The following DHX16 variants were observed in gnomAD, a reference collection of about 807,000 sequenced individuals.
DHX16 encodes the protein pre-mRNA-splicing factor ATP-dependent RNA helicase DHX16.
A neutral mutation model predicts 131.2 loss-of-function variants in DHX16; 81 were observed. The observed-to-expected ratio is 0.62, with a 90% CI of 0.52 to 0.74. DHX16 has a LOEUF of 0.74. Ranked by LOEUF, DHX16 falls within the 30% of genes least tolerant of loss-of-function variation. The pLI, the probability that DHX16 is intolerant of heterozygous loss-of-function variation, is 0.00. For missense variants in DHX16, 980 were observed against 1,363.1 expected, an observed-to-expected ratio of 0.72 and a Z score of 4.43; for synonymous variants, 440 against 520.2, an observed-to-expected ratio of 0.85 and a Z score of 2.10.
At chr6:30,658,007 T>G (rs1315494443) in intron 12 of DHX16, among the ~76,000 whole-genome samples, 2 of 152,220 alleles carry the variant, frequency 1.3e-5, no homozygotes, top group Non-Finnish European at 1.5e-5. Context: ...CATCACTGTA[T>G]CATCAACCCC....
In DHX16 at chr6:30,656,376, T is replaced by C. The variant is rs932357661; in HGVS notation, c.2430+15A>G. 7 of 1,613,110 alleles carry C rather than the reference T, an allele frequency of 4.3e-6. No individual in the cohort carries two copies. The highest frequency in any genetic ancestry group is 5.9e-6 in the Non-Finnish European group (7 of 1,179,336). ...CCTATCATCCTGCCTCCACCCATGC[T>C]GTCCCCCGACTCACCGTGGTGAGCT... On this transcript the variant is annotated intron_variant, in intron 15 of 19. Transcript: ENST00000376442. The surrounding 1 kb of genome is among the most constrained non-coding windows in gnomAD (Gnocchi z 5.1).
chr6:30,660,562 G>C, intron 9 of DHX16: 1 of 305,672 alleles, frequency 3.3e-6, no homozygotes, highest in Non-Finnish European at 6.0e-6. Flanking sequence ...CTCAGCAGCT[G>C]CTCTTACTAG....
chr6:30,670,681 T>G lies in DHX16; in HGVS notation c.609+109A>C. ...CTCACCACAGAGGTGAACATCTCAC[T>G]AGAGACAGCCCCTTGTCTTCCCAGA... On this transcript the variant is annotated intron_variant, in intron 3 of 19. Transcript: ENST00000376442. The surrounding 1 kb of genome is among the most constrained non-coding windows in gnomAD (Gnocchi z 4.4). 6.8e-7 allele frequency: 1 copy of G among 1,474,998 alleles called. No homozygotes were observed. Among genetic ancestry groups the G allele is most frequent in the Non-Finnish European group, 9.3e-7 (1 of 1,077,136 alleles). 91.4% of individuals were successfully genotyped at this position (1,474,998 alleles called of 1,614,324 possible). A position where few individuals can be genotyped will look rare whatever the true frequency, so the allele number is the denominator to read the frequency against.
intron 11 of DHX16, 27 bp from the exon 12 acceptor site, chr6:30,659,651 G>GTA: frequency 6.2e-7 from 1 of 1,613,860 alleles, no homozygotes; most frequent in Non-Finnish European, 8.5e-7. Context: ...GAGAGCAGCA[G>GTA]GGGTCCCAGA....
At chr6:30,660,427 C>G in intron 9 of DHX16, 185 bp from the exon 10 acceptor site, 1 of 474,296 alleles carries the variant, frequency 2.1e-6, no homozygotes. Flanking sequence ...CAGAGAAGGC[C>G]AGGGCCCCAT....
chr6:30,656,472 A>C lies in DHX16; in HGVS notation c.2349T>G (p.Pro783=), dbSNP rs771544054. The C allele has an allele frequency of 6.2e-7, 1 of 1,614,160 alleles. No homozygotes were observed. ...CCAGCAGCAGTGTCTCATATGGTGG[A>C]GGGTCCAGGAAATCAAAGTGCATTA... is the stretch of plus-strand genomic sequence containing the variant. The part of the protein sequence containing the change: ...HDLMHFDFLD[P]PPYETLLLAL... The change falls in exon 15 of 20, where the codon CCT becomes CCG. Residue 783 remains proline (P), a synonymous_variant. Transcript: ENST00000376442. The surrounding 1 kb of genome is among the most constrained non-coding windows in gnomAD (Gnocchi z 5.1).
rs748038802 is a variant in DHX16 at position 30,653,232 on chromosome 6, C to T, written c.*10G>A. The T allele has an allele frequency of 5.6e-6, 9 of 1,611,520 alleles. No individual in the cohort carries two copies. The highest frequency in any genetic ancestry group is 1.1e-5 in the South Asian group (1 of 90,740). On this transcript the variant is annotated 3_prime_UTR_variant, in exon 20 of 20. Transcript: ENST00000376442. Reference sequence around the variant, plus strand: ...AGGAGCTGGTGTCAGGTTCTGTTTACGTCCTTCTCTTACCCTAGCTCTTCT... The same window carrying T: ...AGGAGCTGGTGTCAGGTTCTGTTTATGTCCTTCTCTTACCCTAGCTCTTCT...
Position 30,659,644 on chromosome 6 carries a change from A to G in DHX16, c.1855-20T>C. On this transcript the variant is annotated intron_variant, in intron 11 of 19. Transcript: ENST00000376442. ...CTCCTCCTGGATAGAGGGTAGGGAGAGCAGCAGGGGTCCCAGAGTCACAGA... is the reference window on the plus strand; with the variant it reads ...CTCCTCCTGGATAGAGGGTAGGGAGGGCAGCAGGGGTCCCAGAGTCACAGA... 2 of 1,613,866 alleles carry G rather than the reference A, an allele frequency of 1.2e-6. No homozygotes were observed. The highest frequency in any genetic ancestry group is 2.7e-5 in the African/African-American group (2 of 75,006).
At position 30,670,570 on chromosome 6, in the gene DHX16, C is replaced by T. The variant is rs889226427; in HGVS notation, c.610-104G>A. On this transcript the variant is annotated intron_variant, in intron 3 of 19. Transcript: ENST00000376442. The surrounding 1 kb of genome is among the most constrained non-coding windows in gnomAD (Gnocchi z 4.4). The stretch of plus-strand genomic sequence containing the variant: ...AGGATCATTCAGATGCGCCCTAACA[C>T]AAAAAATGTCCCCTCTCAGTGAGGA... 11 of 1,324,026 alleles carry T rather than the reference C, an allele frequency of 8.3e-6. No homozygotes were observed. The African/African-American group carries it at 1.5e-4, about 18-fold the overall frequency. The allele number at this position is 1,324,026 out of a possible 1,614,324, so 82.0% of individuals were successfully genotyped here. A position where few individuals can be genotyped will look rare whatever the true frequency, so the allele number is the denominator to read the frequency against.
chr6:30,658,834 C>T (rs748060316), intron 12 of DHX16, among the ~76,000 whole-genome samples: 1 of 152,176 alleles, frequency 6.6e-6, no homozygotes, highest in Non-Finnish European at 1.5e-5. Flanking sequence ...ACTAAGCCTA[C>T]TAGCTCACAC....
rs746910792 is a variant in DHX16 at position 30,654,779 on chromosome 6, G to A, written c.2924C>T (p.Ser975Phe). ...QQTVFIHPNS[S>F]LFEQQPRWLL... is the part of the protein sequence containing the mutation. ...CCAGCGTGGCTGTTGCTCAAAGAGG[G>A]AGGAGTTGGGATGAATGAAGACTGT... Residue 975 changes from serine (S) to phenylalanine (F), a missense_variant, in exon 19 of 20, where the codon TCC becomes TTC. By Grantham distance (155) the Ser-to-Phe change is radical. Coordinates refer to ENST00000376442, the MANE Select transcript of DHX16 (RefSeq NM_003587.5). The A allele has an allele frequency of 1.9e-6, 3 of 1,612,944 alleles. No individual in the cohort carries two copies. Among genetic ancestry groups the A allele is most frequent in the South Asian group, 1.1e-5 (1 of 91,086 alleles).
At position 30,667,644 on chromosome 6, in the gene DHX16, G is replaced by C. The variant is rs544287336; in HGVS notation, c.667-1911C>G. ...AATAAAAATAACATGTTCAGGAAAG[G>C]ATTACCAGTGGCTTCTAAAAGCATT... On this transcript the variant is annotated intron_variant, in intron 4 of 19. Transcript: ENST00000376442. Among the ~76,000 whole-genome samples the C allele has an allele frequency of 4.0e-5, 6 of 151,746 alleles. No homozygotes were observed. The South Asian group carries it at 1.3e-3, about 32-fold the overall frequency.
chr6:30,672,492 G>A, intron 1 of DHX16, 143 bp downstream of exon 1: 2 of 719,712 alleles, frequency 2.8e-6, no homozygotes, highest in Non-Finnish European at 4.5e-6. Context: ...ACTGAGCTGG[G>A]CGTCCAGCAG....
intron 7 of DHX16, among the ~76,000 whole-genome samples, 177 bp from the exon 8 acceptor site, chr6:30,663,198 A>AG (rs1768684798): frequency 6.6e-6 from 1 of 152,146 alleles, no homozygotes; most frequent in Non-Finnish European, 1.5e-5. Context: ...GGGCCCTCAA[A>AG]GGGGGTCCTC....
chr6:30,671,918 A>C (rs113611038), intron 1 of DHX16, among the ~76,000 whole-genome samples: 3,436 of 150,584 alleles, frequency 0.023, 67 homozygotes, highest in Non-Finnish European at 0.041. Flanking sequence ...CCTGGGCTCA[A>C]GTAATCCTCC....
At chr6:30,655,385 G>A in intron 17 of DHX16, 49 bp from the exon 18 acceptor site, 2 of 1,613,850 alleles carry the variant, frequency 1.2e-6, no homozygotes, top group South Asian at 2.2e-5. Flanking sequence ...TATACAGCAG[G>A]ACTAAAGTCC....
intron 7 of DHX16, among the ~76,000 whole-genome samples, chr6:30,663,397 T>C (rs1768702650): frequency 6.6e-6 from 1 of 152,024 alleles, no homozygotes; most frequent in Non-Finnish European, 1.5e-5. Flanking sequence ...GAGACCAGCC[T>C]GGGCAACATA....
At chr6:30,659,439 T>G in intron 12 of DHX16, 33 bp downstream of exon 12, 1 of 1,562,102 alleles carries the variant, frequency 6.4e-7, no homozygotes, top group African/African-American at 1.4e-5. Context: ...GTGGGAAGCA[T>G]AGGGGTGAAG....
intron 4 of DHX16, among the ~76,000 whole-genome samples, chr6:30,666,492 C>T (rs1015632271): frequency 4.6e-5 from 7 of 152,226 alleles, no homozygotes; most frequent in Non-Finnish European, 8.8e-5. Flanking sequence ...ATCACAACTT[C>T]CTCTACTGCA....
Sources: allele counts gnomAD v4.1 joint callset (sites outside exome capture counted in the v4.1 genomes callset), GRCh38; gene constraint gnomAD v4.1.1; non-coding constraint Gnocchi (gnomAD v3.1); transcripts MANE v1.5; gene names NCBI Gene and HGNC (gene_info 2026-07-23, HGNC 2026-07-21).